The following FRMPD4 variants were observed in gnomAD, a reference collection of about 807,000 sequenced individuals.
FRMPD4 encodes FERM and PDZ domain containing 4.
A neutral mutation model predicts 94.1 loss-of-function variants in FRMPD4; 22 were observed. That is an observed-to-expected ratio of 0.23 (90% CI 0.17 to 0.33). The LOEUF is 0.33. FRMPD4 is among the 10% of genes least tolerant of loss of function. FRMPD4 has a pLI of 1.00. For synonymous variants in FRMPD4, 631 were observed against 548.6 expected (o/e 1.15, Z -2.10); for missense variants, 1,111 against 1,339.9 (o/e 0.83, Z 2.67).
intron 2 of FRMPD4, among the ~76,000 whole-genome samples, chrX:12,524,204 G>A (rs2058195806): frequency 8.9e-6 from 1 of 111,933 alleles, no homozygotes; most frequent in African/African-American, 3.2e-5. Context: ...TTACCTTCAG[G>A]TTACTTTTAT....
chrX:12,077,065 A>G (rs778981259), intron 3 of FRMPD4, among the ~76,000 whole-genome samples: 8 of 110,780 alleles, frequency 7.2e-5, no homozygotes, highest in Non-Finnish European at 1.3e-4. Context: ...TTTTTTTATT[A>G]ATTCATTTTT....
intron 1 of FRMPD4, among the ~76,000 whole-genome samples, chrX:12,371,514 T>C (rs752916266): frequency 8.9e-5 from 10 of 112,729 alleles, no homozygotes; most frequent in Non-Finnish European, 1.3e-4. Flanking sequence ...GAAGAGTTTC[T>C]TTTGGTTTCA....
chrX:12,524,481 C>T (rs2058198993), intron 2 of FRMPD4, among the ~76,000 whole-genome samples: 1 of 111,483 alleles, frequency 9.0e-6, no homozygotes, highest in Non-Finnish European at 1.9e-5. Context: ...GTGCTAAGAA[C>T]AGGAAGCACT....
intron 1 of FRMPD4, among the ~76,000 whole-genome samples, chrX:12,485,364 A>G (rs998425475): frequency 6.2e-5 from 7 of 112,376 alleles, no homozygotes; most frequent in African/African-American, 2.3e-4. Flanking sequence ...TACTGAGTTT[A>G]GATGAGTTCC....
At chrX:11,921,983 A>C (rs1013063067) in intron 3 of FRMPD4, among the ~76,000 whole-genome samples, 2 of 111,887 alleles carry the variant, frequency 1.8e-5, no homozygotes, top group Non-Finnish European at 3.8e-5. Flanking sequence ...GAAACAAGAC[A>C]AAGCCAATGA....
At chrX:12,030,382 TG>T (rs1420362653) in intron 3 of FRMPD4, among the ~76,000 whole-genome samples, 1 of 112,036 alleles carries the variant, frequency 8.9e-6, no homozygotes, top group African/African-American at 3.2e-5. Context: ...GTAGACCTGT[TG>T]GTACTTGGGG....
At chrX:12,416,314 T>C (rs1215705445) in intron 1 of FRMPD4, among the ~76,000 whole-genome samples, 2 of 111,384 alleles carry the variant, frequency 1.8e-5, no homozygotes, top group Admixed American at 9.5e-5. Flanking sequence ...AAGGAAAGTT[T>C]GTTCTTAGAG....
At chrX:12,148,463 C>T (rs371940170) in intron 1 of FRMPD4, among the ~76,000 whole-genome samples, 2 of 112,418 alleles carry the variant, frequency 1.8e-5, no homozygotes, top group African/African-American at 3.2e-5. Context: ...GCAGATAAAA[C>T]GTTTGAAGCT....
chrX:12,322,889 A>G (rs187901553), intron 1 of FRMPD4, among the ~76,000 whole-genome samples: 114 of 111,669 alleles, frequency 1.0e-3, no homozygotes, highest in Non-Finnish European at 1.0e-3. Flanking sequence ...TTAGTTATAT[A>G]TTATATAATT....
At chrX:12,494,645 G>A (rs928574100) in intron 1 of FRMPD4, among the ~76,000 whole-genome samples, 10 of 111,739 alleles carry the variant, frequency 8.9e-5, no homozygotes, top group South Asian at 3.8e-4. Flanking sequence ...GCTGGCCATC[G>A]AGATTTTGTC....
At chrX:12,063,704 G>A (rs2054900507) in intron 3 of FRMPD4, among the ~76,000 whole-genome samples, 1 of 112,357 alleles carries the variant, frequency 8.9e-6, no homozygotes. Context: ...AGTGAGCCAA[G>A]CTTGCAGCAC....
intron 1 of FRMPD4, among the ~76,000 whole-genome samples, chrX:12,288,412 A>G (rs143500977): frequency 4.6e-3 from 516 of 111,641 alleles, no homozygotes; most frequent in Non-Finnish European, 8.5e-3. Context: ...TTTCTAAAGC[A>G]ACAAATATCC....
At position 12,721,043 on chromosome X, in the gene FRMPD4, G is replaced by C; in HGVS notation, c.4474G>C (p.Glu1492Gln). ...TAGGACATTACCCTTGCGGAAGCTG[G>C]AGGGCAGCAATTGGAGATGCCGGGG... ...LYRTLPLRKL[E>Q]GSNWRCRGPF... Residue 1492 changes from glutamate (E) to glutamine (Q), a missense_variant, in exon 17 of 17, where the codon GAG becomes CAG. By Grantham distance (29) the Glu-to-Gln change is conservative. This residue lies in a region of FRMPD4 where 551 missense variants were observed against 591.6 expected (regional missense o/e 0.93). Transcript: ENST00000675598. The C allele has an allele frequency of 1.3e-6, 1 of 757,189 alleles. No individual in the cohort carries two copies. Among genetic ancestry groups the C allele is most frequent in the South Asian group, 6.7e-5 (1 of 14,953 alleles). 62.4% of individuals were successfully genotyped at this position (757,189 alleles called of 1,213,427 possible).
intron 2 of FRMPD4, among the ~76,000 whole-genome samples, chrX:12,539,160 T>A (rs2058375838): frequency 1.8e-5 from 2 of 112,078 alleles, no homozygotes; most frequent in Admixed American, 1.9e-4. Context: ...CAGTAGCCGA[T>A]TCGATCAACT....
chrX:12,703,521 A>G (rs2041824338), intron 10 of FRMPD4, among the ~76,000 whole-genome samples: 1 of 111,726 alleles, frequency 9.0e-6, no homozygotes, highest in South Asian at 3.8e-4. Context: ...AGGAGAAATA[A>G]CTGGAATCCT....
At chrX:12,532,716 C>T (rs2058297944) in intron 2 of FRMPD4, among the ~76,000 whole-genome samples, 1 of 110,877 alleles carries the variant, frequency 9.0e-6, no homozygotes, top group South Asian at 3.8e-4. Flanking sequence ...ACGTTTTGCC[C>T]CACAGGACAC....
chrX:12,200,233 A>G (rs1469241349), intron 1 of FRMPD4, among the ~76,000 whole-genome samples: 1 of 111,788 alleles, frequency 8.9e-6, no homozygotes, highest in Non-Finnish European at 1.9e-5. Context: ...CTTTGTTTCA[A>G]AGTTAAACTA....
chrX:12,674,237 C>T (rs1237248722), intron 4 of FRMPD4, among the ~76,000 whole-genome samples: 1 of 111,827 alleles, frequency 8.9e-6, no homozygotes, highest in Non-Finnish European at 1.9e-5. Flanking sequence ...ATTTCCCAAC[C>T]GGTGCCTGTC....
At chrX:12,675,765 G>T (rs949614092) in intron 5 of FRMPD4, among the ~76,000 whole-genome samples, 2 of 111,480 alleles carry the variant, frequency 1.8e-5, no homozygotes, top group Non-Finnish European at 3.8e-5. Context: ...TCTGGCCTTC[G>T]TAAGGAGTGG....
Sources: gnomAD v4.1 joint callset for allele counts (sites outside exome capture counted in the v4.1 genomes callset) on GRCh38, gnomAD v4.1.1 for gene constraint, gnomAD v4.1.1 regional missense constraint, MANE v1.5 for transcripts, NCBI Gene and HGNC (gene_info 2026-07-23, HGNC 2026-07-21) for gene names.